The following GSG1L variants were observed in gnomAD, a reference collection of about 807,000 sequenced individuals.
The protein encoded by GSG1L is germ cell-specific gene 1-like protein.
In GSG1L, 24 loss-of-function variants were observed where a neutral mutation model predicts 42.1. The ratio of observed to expected loss-of-function variants is 0.57; its 90% CI spans 0.41 to 0.80. The LOEUF is 0.80. Among genes scored for constraint, GSG1L ranks in the 30% least tolerant of loss-of-function variants. The probability of loss-of-function intolerance (pLI) is 0.00; values close to 1 mark genes in which losing one functional copy is unlikely to be tolerated. For missense variants in GSG1L, 445 were observed against 472.2 expected, an observed-to-expected ratio of 0.94 and a Z score of 0.53; for synonymous variants, 215 against 203.5, an observed-to-expected ratio of 1.06 and a Z score of -0.48.
At chr16:28,003,949 C>T (rs1405664783) in intron 1 of GSG1L, among the ~76,000 whole-genome samples, 1 of 152,204 alleles carries the variant, frequency 6.6e-6, no homozygotes, top group Non-Finnish European at 1.5e-5. Context: ...AGCCAGGAAC[C>T]AGGAGCAGAA....
At chr16:27,987,210 CCG>C (rs2085395085) in intron 1 of GSG1L, among the ~76,000 whole-genome samples, 1 of 94,400 alleles carries the variant, frequency 1.1e-5, no homozygotes, top group African/African-American at 4.0e-5. Context: ...AGAGTGAACT[CCG>C]TCTCAAAAAA....
chr16:27,850,284 C>T (rs921543306), intron 3 of GSG1L, among the ~76,000 whole-genome samples: 2 of 151,934 alleles, frequency 1.3e-5, no homozygotes, highest in East Asian at 1.9e-4. Flanking sequence ...CCACCTTGGT[C>T]CCAAAGTGCT....
intron 1 of GSG1L, among the ~76,000 whole-genome samples, chr16:28,052,718 C>G (rs1200915987): frequency 1.3e-5 from 2 of 152,222 alleles, no homozygotes; most frequent in Non-Finnish European, 2.9e-5. Context: ...CAACCTCCCA[C>G]ATCTGCAGAT....
chr16:28,021,669 A>G (rs954994086), intron 1 of GSG1L, among the ~76,000 whole-genome samples: 1 of 152,184 alleles, frequency 6.6e-6, no homozygotes, highest in African/African-American at 2.4e-5. Context: ...ATCTCTTTAG[A>G]ACTCTTCTGT....
intron 1 of GSG1L, among the ~76,000 whole-genome samples, chr16:28,053,320 T>C (rs993063305): frequency 2.0e-5 from 3 of 152,252 alleles, no homozygotes; most frequent in African/African-American, 7.2e-5. Flanking sequence ...ATTCTTCTAG[T>C]CACACTTTAC....
intron 2 of GSG1L, among the ~76,000 whole-genome samples, chr16:27,935,217 C>T (rs547011574): frequency 3.3e-4 from 50 of 152,234 alleles, no homozygotes; most frequent in Non-Finnish European, 5.6e-4. Flanking sequence ...CAAACAGCTC[C>T]CACCTGCCCT....
chr16:27,914,530 A>T (rs77116000), intron 2 of GSG1L, among the ~76,000 whole-genome samples: 23 of 139,614 alleles, frequency 1.6e-4, no homozygotes, highest in African/African-American at 3.5e-4. Flanking sequence ...TTTCTTTTCT[A>T]TTTTTTTTTT....
chr16:27,826,321 C>A (rs2083208198), intron 5 of GSG1L, among the ~76,000 whole-genome samples: 1 of 152,208 alleles, frequency 6.6e-6, no homozygotes, highest in Admixed American at 6.5e-5. Context: ...GACTGAAACC[C>A]TCCCAAGGGC....
intron 1 of GSG1L, among the ~76,000 whole-genome samples, chr16:28,060,632 G>A (rs7201505): frequency 0.24 from 36,238 of 151,942 alleles, 4,721 homozygotes; most frequent in African/African-American, 0.34. Flanking sequence ...ATTCTCTTCC[G>A]CGATCCCTTC....
At chr16:27,845,106 G>A (rs1567482918) in intron 3 of GSG1L, 45 bp from the exon 4 acceptor site, 1 of 1,351,536 alleles carries the variant, frequency 7.4e-7, no homozygotes, top group Non-Finnish European at 1.0e-6. Flanking sequence ...GTAAGGAAGG[G>A]CTTTGTCCCC....
intron 3 of GSG1L, among the ~76,000 whole-genome samples, chr16:27,859,432 G>A (rs1240482971): frequency 2.6e-5 from 4 of 152,204 alleles, no homozygotes; most frequent in African/African-American, 7.2e-5. Context: ...TCCATCCTCC[G>A]GCGAGTGCTA....
At chr16:27,992,605 A>G (rs889396787) in intron 1 of GSG1L, among the ~76,000 whole-genome samples, 7 of 152,294 alleles carry the variant, frequency 4.6e-5, no homozygotes, top group Non-Finnish European at 1.0e-4. Flanking sequence ...TTCTTTTTCA[A>G]AGAAGCCAGA....
chr16:27,849,209 A>ACCCC (rs2083479714), intron 3 of GSG1L, among the ~76,000 whole-genome samples: 2 of 149,440 alleles, frequency 1.3e-5, no homozygotes, highest in Admixed American at 6.6e-5. Context: ...AAAAGAAAAA[A>ACCCC]AAAAAAAAAA....
chr16:27,886,135 T>G (rs1335644377), intron 2 of GSG1L, among the ~76,000 whole-genome samples: 2 of 152,096 alleles, frequency 1.3e-5, no homozygotes, highest in Non-Finnish European at 2.9e-5. Context: ...CCTCAGTTCC[T>G]TCATCTGTAA....
intron 1 of GSG1L, among the ~76,000 whole-genome samples, chr16:27,985,968 C>A (rs1405017451): frequency 6.6e-6 from 1 of 152,182 alleles, no homozygotes; most frequent in Non-Finnish European, 1.5e-5. Context: ...TTCCAAGAGT[C>A]ATGAGAAGGT....
At chr16:27,870,801 A>C (rs1216956087) in intron 3 of GSG1L, among the ~76,000 whole-genome samples, 1 of 151,222 alleles carries the variant, frequency 6.6e-6, no homozygotes, top group Non-Finnish European at 1.5e-5. Flanking sequence ...GTGGACCATC[A>C]AGTCCTGCCA....
At chr16:27,798,174 A>G (rs1329776766) in intron 6 of GSG1L, among the ~76,000 whole-genome samples, 1 of 152,200 alleles carries the variant, frequency 6.6e-6, no homozygotes, top group Non-Finnish European at 1.5e-5. Flanking sequence ...CCCTGAACCT[A>G]TAACAATTAA....
rs966221660 is a variant in GSG1L at position 27,982,439 on chromosome 16, T to C, written c.350-19236A>G. On this transcript the variant is annotated intron_variant, in intron 1 of 6. Coordinates refer to ENST00000447459, the MANE Select transcript of GSG1L (RefSeq NM_001109763.2). ...CCTGCCAATATGATGTGTGTGTGCG[T>C]GAAGTGAGGCAATTCCTGGGGAGGG... Among the ~76,000 whole-genome samples the C allele has an allele frequency of 4.9e-4, 75 of 152,152 alleles. 1 individual carries two copies. Among genetic ancestry groups the C allele is most frequent in the Non-Finnish European group, 1.5e-4 (10 of 68,024 alleles).
At chr16:28,054,448 G>A (rs1175537694) in intron 1 of GSG1L, among the ~76,000 whole-genome samples, 1 of 152,030 alleles carries the variant, frequency 6.6e-6, no homozygotes, top group Non-Finnish European at 1.5e-5. Context: ...GGCCAACATG[G>A]TGAAACTCCG....
Sources: allele counts gnomAD v4.1 joint callset (sites outside exome capture counted in the v4.1 genomes callset), GRCh38; gene constraint gnomAD v4.1.1; transcripts MANE v1.5; gene names NCBI Gene and HGNC (gene_info 2026-07-23, HGNC 2026-07-21).